AGO1: variants seen among roughly 807,000 people sequenced by gnomAD.
AGO1 encodes the protein argonaute RISC component 1.
AGO1 carries 11 observed loss-of-function variants against 109.2 expected under a neutral mutation model. The ratio of observed to expected loss-of-function variants is 0.10; its 90% CI spans 0.06 to 0.17. The LOEUF is 0.17. Among genes scored for constraint, AGO1 ranks in the 10% least tolerant of loss-of-function variants. The pLI is 1.00. For missense variants in AGO1, 574 were observed against 1,140.3 expected (o/e 0.50, Z 7.15); for synonymous variants, 422 against 418.6 (o/e 1.01, Z -0.10).
At chr1:35,887,602 C>T (rs1645141663) in intron 1 of AGO1, among the ~76,000 whole-genome samples, 3 of 152,150 alleles carry the variant, frequency 2.0e-5, no homozygotes, top group Admixed American at 1.3e-4. Flanking sequence ...TGTCTCTTCT[C>T]CAGCATTCTA....
rs1340212230 is a variant in AGO1 at position 35,888,443 on chromosome 1, G to C, written c.42G>C (p.Leu14=). 1.2e-6 allele frequency: 2 copies of C among 1,613,960 alleles called. No individual in the cohort carries two copies. Among genetic ancestry groups the C allele is most frequent in the East Asian group, 2.2e-5 (1 of 44,882 alleles). ...GPSGAAAGAY[L]PPLQQVFQAP... is the part of the protein sequence containing the mutation. The stretch of plus-strand genomic sequence containing the variant: ...GTCTTGTAGCTGCGGGCGCTTACCT[G>C]CCCCCCCTGCAGCAGGTGTTCCAGG... The change falls in exon 2 of 19, where the codon CTG becomes CTC. Residue 14 remains leucine, a synonymous_variant. Transcript: ENST00000373204. The surrounding 1 kb of genome is among the most constrained non-coding windows in gnomAD (Gnocchi z 4.1).
At position 35,901,414 on chromosome 1, in the gene AGO1, C is replaced by T. The variant is rs202237777; in HGVS notation, c.1021-60C>T. 54 of 1,602,630 alleles carry T rather than the reference C, an allele frequency of 3.4e-5. No individual in the cohort carries two copies. The highest frequency in any genetic ancestry group is 1.9e-4 in the South Asian group (17 of 90,022). Reference sequence around the variant, plus strand: ...CAAGGTATCTTTCCTTATTGTGGGGCTCTGGGTACAGGGTGGACTGTACTC... The same window carrying T: ...CAAGGTATCTTTCCTTATTGTGGGGTTCTGGGTACAGGGTGGACTGTACTC... On this transcript the variant is annotated intron_variant, in intron 8 of 18. Coordinates refer to ENST00000373204, the MANE Select transcript of AGO1 (RefSeq NM_012199.5). This position sits in a 1 kb window ranked among gnomAD's most constrained non-coding sequence, Gnocchi z 4.8.
In AGO1 at chr1:35,926,764, G is replaced by A. The variant is rs1645936024; in HGVS notation, c.*7157G>A. On this transcript the variant is annotated 3_prime_UTR_variant, in exon 19 of 19. Coordinates refer to ENST00000373204, the MANE Select transcript of AGO1 (RefSeq NM_012199.5). ...GTCAAGAAGGAAGAGCTGGAAAAGT[G>A]GATTTGCTGGGGAATTAGATGCATT... 1 of 152,150 alleles carries A rather than the reference G, an allele frequency of 6.6e-6. No homozygotes were observed. Among genetic ancestry groups the A allele is most frequent in the Non-Finnish European group, 1.5e-5 (1 of 68,028 alleles). 9.4% of individuals were successfully genotyped at this position (152,150 alleles called of 1,614,324 possible).
At chr1:35,889,871 C>T (rs1441786597) in intron 2 of AGO1, among the ~76,000 whole-genome samples, 1 of 151,738 alleles carries the variant, frequency 6.6e-6, no homozygotes, top group Non-Finnish European at 1.5e-5. Flanking sequence ...CCCCACCATA[C>T]CCAGATAATT....
intron 8 of AGO1, among the ~76,000 whole-genome samples, chr1:35,898,086 C>A (rs1007153736): frequency 6.6e-6 from 1 of 152,006 alleles, no homozygotes. Context: ...ATGGATATGT[C>A]ATATTTTGTT....
In AGO1 at chr1:35,919,098, A is replaced by G. The variant is rs1351503366; in HGVS notation, c.2309A>G (p.Asn770Ser). 8.7e-6 allele frequency: 14 copies of G among 1,613,976 alleles called. No homozygotes were observed. Among genetic ancestry groups the G allele is most frequent in the Non-Finnish European group, 1.2e-5 (14 of 1,180,020 alleles). The change falls in exon 18 of 19, where the codon AAC (asparagine) becomes AGC (serine). Residue 770 changes from asparagine to serine, a missense_variant. This residue lies in a region of AGO1 where 62 missense variants were observed against 192.0 expected (regional missense o/e 0.32). Transcript: ENST00000373204. This position sits in a 1 kb window ranked among gnomAD's most constrained non-coding sequence, Gnocchi z 6.6. Reference sequence around the variant, plus strand: ...CATTACTATGTTCTTTGGGATGACAACCGTTTCACAGCAGATGAGCTCCAG... The same window carrying G: ...CATTACTATGTTCTTTGGGATGACAGCCGTTTCACAGCAGATGAGCTCCAG... ...PSHYYVLWDD[N>S]RFTADELQIL...
chr1:35,901,518 C>T lies in AGO1; in HGVS notation c.1065C>T (p.Thr355=), dbSNP rs757689155. The change falls in exon 9 of 19, where the codon ACC becomes ACT. Residue 355 remains threonine (T), a synonymous_variant. Coordinates refer to ENST00000373204, the MANE Select transcript of AGO1 (RefSeq NM_012199.5). This position sits in a 1 kb window ranked among gnomAD's most constrained non-coding sequence, Gnocchi z 4.8. ...GGCAGCGCTGTATTAAAAAGCTGAC[C>T]GACAACCAGACCTCGACCATGATAA... The part of the protein sequence containing the change: ...VAGQRCIKKL[T]DNQTSTMIKA... 13 of 1,614,040 alleles carry T rather than the reference C, an allele frequency of 8.1e-6. No homozygotes were observed. The highest frequency in any genetic ancestry group is 2.2e-5 in the East Asian group (1 of 44,868).
chr1:35,908,737 T>C (rs1645575077), intron 12 of AGO1, among the ~76,000 whole-genome samples: 1 of 152,092 alleles, frequency 6.6e-6, no homozygotes, highest in Non-Finnish European at 1.5e-5. Flanking sequence ...CGCTTCACCT[T>C]CATTGTTCTT....
chr1:35,898,066 G>A (rs965591267), intron 8 of AGO1, among the ~76,000 whole-genome samples: 5 of 151,970 alleles, frequency 3.3e-5, no homozygotes, highest in African/African-American at 9.7e-5. Context: ...GTTTATCCTC[G>A]TTCCATCAGA....
rs1645992325 is a variant in AGO1 at position 35,929,389 on chromosome 1, A to G, written c.*9782A>G. The G allele has an allele frequency of 6.6e-6, 1 of 152,230 alleles. No homozygotes were observed. The highest frequency in any genetic ancestry group is 2.4e-5 in the African/African-American group (1 of 41,452). The allele number at this position is 152,230 out of a possible 1,614,324, so 9.4% of individuals were successfully genotyped here. A position where few individuals can be genotyped will look rare whatever the true frequency, so the allele number is the denominator to read the frequency against. The stretch of plus-strand genomic sequence containing the variant: ...TAAATTCTGCTCCATCAATGTTGAA[A>G]AAGACTAGCCCACCCCAAAGGTTTA... On this transcript the variant is annotated 3_prime_UTR_variant, in exon 19 of 19. Transcript: ENST00000373204.
At chr1:35,878,823 G>T (rs1645012188), upstream of AGO1, among the ~76,000 whole-genome samples, 2 of 151,420 alleles carry the variant, frequency 1.3e-5, 1 homozygote, top group South Asian at 4.1e-4. Flanking sequence ...CAGATTTTTG[G>T]TTATTTTTTT....
Position 35,924,599 on chromosome 1 carries a change from G to A in AGO1, c.*4992G>A, listed in dbSNP as rs1239124372. 6.6e-6 allele frequency: 1 copy of A among 152,102 alleles called. No individual in the cohort carries two copies. The highest frequency in any genetic ancestry group is 1.5e-5 in the Non-Finnish European group (1 of 68,008). 9.4% of individuals were successfully genotyped at this position (152,102 alleles called of 1,614,324 possible). On this transcript the variant is annotated 3_prime_UTR_variant, in exon 19 of 19. Transcript: ENST00000373204. Reference sequence around the variant, plus strand: ...ATAGGAGGAAGATAATGAGGGAGTGGAATAAGGCTACAACAACGAATATAG... The same window carrying A: ...ATAGGAGGAAGATAATGAGGGAGTGAAATAAGGCTACAACAACGAATATAG...
chr1:35,911,151 A>G (rs985184164), intron 12 of AGO1, among the ~76,000 whole-genome samples: 1 of 152,190 alleles, frequency 6.6e-6, no homozygotes, highest in African/African-American at 2.4e-5. Flanking sequence ...TCTTGGGAGT[A>G]TATCTAGGAG....
intron 8 of AGO1, among the ~76,000 whole-genome samples, chr1:35,899,774 C>A (rs190066031): frequency 4.7e-4 from 71 of 152,192 alleles, no homozygotes; most frequent in African/African-American, 1.7e-3. Context: ...GAATGTTGGC[C>A]CTATGGGAGC....
Position 35,896,679 on chromosome 1 carries a change from C to T in AGO1, c.1020+1410C>T, listed in dbSNP as rs368472052. Among the ~76,000 whole-genome samples, 10 of 152,286 alleles carry T rather than the reference C, an allele frequency of 6.6e-5. No individual in the cohort carries two copies. The South Asian group carries it at 1.0e-3, about 16-fold the overall frequency. On this transcript the variant is annotated intron_variant, in intron 8 of 18. Transcript: ENST00000373204. Reference sequence around the variant, plus strand: ...GGCCTACCCTCTTACTTTTATCCAACAGCAGAAGTCAGATAGCCCAGACCA... The same window carrying T: ...GGCCTACCCTCTTACTTTTATCCAATAGCAGAAGTCAGATAGCCCAGACCA...
Position 35,901,588 on chromosome 1 carries a change from C to T in AGO1, c.1135C>T (p.Arg379Cys). ...SAPDRQEEIS[R>C]LMKNASYNLD... ...TCCAGACAGACAGGAGGAGATCAGTCGCCTGGTCAGTGGGCCTACTCATTT... is the reference window on the plus strand; with the variant it reads ...TCCAGACAGACAGGAGGAGATCAGTTGCCTGGTCAGTGGGCCTACTCATTT... Residue 379 changes from arginine to cysteine, a missense_variant, in exon 9 of 19, where the codon CGC (arginine) becomes TGC (cysteine). Physicochemically the swap from Arg to Cys is radical, Grantham distance 180 (BLOSUM62 -3). Transcript: ENST00000373204. This position sits in a 1 kb window ranked among gnomAD's most constrained non-coding sequence, Gnocchi z 4.8. 3 of 1,614,060 alleles carry T rather than the reference C, an allele frequency of 1.9e-6. No homozygotes were observed. The highest frequency in any genetic ancestry group is 2.5e-6 in the Non-Finnish European group (3 of 1,180,000).
intron 7 of AGO1, 67 bp from the exon 8 acceptor site, chr1:35,895,055 G>A (rs566382138): frequency 2.0e-6 from 3 of 1,508,418 alleles, no homozygotes; most frequent in Non-Finnish European, 1.8e-6. Context: ...TTCCATGGTT[G>A]TGGGTCTAGA....
At chr1:35,872,071 G>GA (rs1303552763) in intron 1 of AGO1, among the ~76,000 whole-genome samples, 5,161 of 78,648 alleles carry the variant, frequency 0.066, 357 homozygotes, top group African/African-American at 0.2. Context: ...CTCCATCTCA[G>GA]AAAAAAAAAA....
chr1:35,882,669 G>A (rs1344558009), upstream of AGO1, among the ~76,000 whole-genome samples: 1 of 152,310 alleles, frequency 6.6e-6, no homozygotes, highest in East Asian at 1.9e-4. This position sits in a 1 kb window ranked among gnomAD's most constrained non-coding sequence, Gnocchi z 5.1. Flanking sequence ...ATCTTCCAGG[G>A]TAGGCCGCGT....
Sources: allele counts gnomAD v4.1 joint callset (sites outside exome capture counted in the v4.1 genomes callset), GRCh38; gene constraint gnomAD v4.1.1; regional missense constraint gnomAD v4.1.1; non-coding constraint Gnocchi (gnomAD v3.1); transcripts MANE v1.5; gene names NCBI Gene and HGNC (gene_info 2026-07-23, HGNC 2026-07-21).